CACNB4: variants seen among roughly 807,000 people sequenced by gnomAD.
CACNB4 encodes the protein voltage-dependent L-type calcium channel subunit beta-4.
In CACNB4, 32 loss-of-function variants were observed where a neutral mutation model predicts 71.2. The observed-to-expected ratio is 0.45, with a 90% CI of 0.34 to 0.60. The LOEUF is 0.60. Ranked by LOEUF, CACNB4 falls within the 20% of genes least tolerant of loss-of-function variation. The pLI, the probability that CACNB4 is intolerant of heterozygous loss-of-function variation, is 0.01. For synonymous variants in CACNB4, 231 were observed against 236.9 expected, an observed-to-expected ratio of 0.97 and a Z score of 0.23; for missense variants, 464 against 647.9, an observed-to-expected ratio of 0.72 and a Z score of 3.08.
intron 2 of CACNB4, among the ~76,000 whole-genome samples, chr2:152,058,016 G>C (rs1186817159): frequency 6.6e-6 from 1 of 152,138 alleles, no homozygotes; most frequent in Non-Finnish European, 1.5e-5. Context: ...ATGATAATAA[G>C]TGAGTTCTCA....
At chr2:152,055,984 C>T (rs951418983) in intron 2 of CACNB4, among the ~76,000 whole-genome samples, 1 of 152,118 alleles carries the variant, frequency 6.6e-6, no homozygotes, top group Admixed American at 6.6e-5. Context: ...CCTGTGACTA[C>T]CCACCACACT....
In CACNB4 at chr2:152,032,169, T is replaced by A. The variant is rs1432759381; in HGVS notation, c.147+66161A>T. On this transcript the variant is annotated intron_variant, in intron 2 of 13. Coordinates refer to ENST00000539935, the MANE Select transcript of CACNB4 (RefSeq NM_000726.5). ...CCTTCTGTTAAAACTGCCCCACAGA[T>A]GGCTTCAAAATATAGAACCAGAGAC... 3.3e-5 allele frequency among the ~76,000 whole-genome samples: 5 copies of A among 152,284 alleles called. No individual in the cohort carries two copies. In the South Asian group the frequency reaches 1.0e-3, roughly 32 times the overall value.
At chr2:151,851,483 TG>T (rs1433118033) in intron 12 of CACNB4, 1 of 152,248 alleles carries the variant, frequency 6.6e-6, no homozygotes, top group Non-Finnish European at 1.5e-5. Context: ...TGGAGCTGTT[TG>T]AAATCTCTGA....
rs745338662 is a variant in CACNB4, at chr2:151,869,250, G to GA, written c.700-16dup. 2.8e-5 allele frequency: 42 copies of GA among 1,516,704 alleles called. No individual in the cohort carries two copies. Among genetic ancestry groups the GA allele is most frequent in the African/African-American group, 2.2e-4 (16 of 72,632 alleles). 94.0% of individuals were successfully genotyped at this position (1,516,704 alleles called of 1,614,324 possible). A position where few individuals can be genotyped will look rare whatever the true frequency, so the allele number is the denominator to read the frequency against. ...ATGTCTGTTACCTTTGCAGAGGTGA[G>GA]AAAAAAAGAATGAGGCAAACACATG... is the stretch of plus-strand genomic sequence containing the variant. On this transcript the variant is annotated splice_polypyrimidine_tract_variant and intron_variant, in intron 8 of 13. Transcript: ENST00000539935.
intron 4 of CACNB4, among the ~76,000 whole-genome samples, chr2:151,877,301 A>G (rs2099846686): frequency 6.6e-6 from 1 of 152,184 alleles, no homozygotes. Flanking sequence ...AAACATCAAC[A>G]AGTGAGCATG....
In CACNB4 at chr2:151,835,615, A is replaced by T. The variant is rs148044095; in HGVS notation, c.*3504T>A. On this transcript the variant is annotated 3_prime_UTR_variant, in exon 14 of 14. Coordinates refer to ENST00000539935, the MANE Select transcript of CACNB4 (RefSeq NM_000726.5). ...TTGCCAAGACACATTCTTAACGGAC[A>T]TCCTGGGTCTTAACAACATTTTGTG... is the stretch of plus-strand genomic sequence containing the variant. 8 of 152,042 alleles carry T rather than the reference A, an allele frequency of 5.3e-5. No individual in the cohort carries two copies. The highest frequency in any genetic ancestry group is 2.1e-4 in the South Asian group (1 of 4,828). 9.4% of individuals were successfully genotyped at this position (152,042 alleles called of 1,614,324 possible). A position where few individuals can be genotyped will look rare whatever the true frequency, so the allele number is the denominator to read the frequency against.
intron 2 of CACNB4, among the ~76,000 whole-genome samples, chr2:151,999,244 C>G (rs1420737396): frequency 6.6e-6 from 1 of 152,146 alleles, no homozygotes; most frequent in African/African-American, 2.4e-5. Flanking sequence ...CAGTTCATGT[C>G]CGCCCCCTCT....
intron 2 of CACNB4, among the ~76,000 whole-genome samples, chr2:152,019,988 G>C (rs1178877652): frequency 1.3e-5 from 2 of 152,200 alleles, no homozygotes; most frequent in Non-Finnish European, 2.9e-5. Context: ...AGAAGGCCCA[G>C]AAGCAGATGA....
At chr2:152,027,662 A>G (rs1359814368) in intron 2 of CACNB4, among the ~76,000 whole-genome samples, 1 of 151,920 alleles carries the variant, frequency 6.6e-6, no homozygotes, top group Admixed American at 6.6e-5. Context: ...GACCAGCCTG[A>G]CCCACACGGT....
chr2:151,847,800 C>T (rs913797418), intron 12 of CACNB4, among the ~76,000 whole-genome samples: 3 of 152,068 alleles, frequency 2.0e-5, no homozygotes, highest in Non-Finnish European at 4.4e-5. Context: ...GCAGGAGAAT[C>T]GCTTGAACCC....
At chr2:152,010,262 A>T (rs929321185) in intron 2 of CACNB4, among the ~76,000 whole-genome samples, 17 of 152,224 alleles carry the variant, frequency 1.1e-4, no homozygotes, top group African/African-American at 4.1e-4. Flanking sequence ...TAGTCATAAT[A>T]AAGTTTTACA....
At chr2:151,946,663 G>C (rs1478337308) in intron 2 of CACNB4, among the ~76,000 whole-genome samples, 1 of 152,170 alleles carries the variant, frequency 6.6e-6, no homozygotes, top group Non-Finnish European at 1.5e-5. Context: ...TTCAGGGTGT[G>C]TCCTGAGCAC....
intron 2 of CACNB4, among the ~76,000 whole-genome samples, chr2:151,889,871 T>A (rs1578659540): frequency 6.6e-6 from 1 of 152,294 alleles, no homozygotes; most frequent in East Asian, 1.9e-4. Flanking sequence ...GACCTCGAGT[T>A]TGTTCAAAGA....
chr2:151,838,965 T>TAAAAAAA lies in CACNB4; in HGVS notation c.*153_*154insTTTTTTT, dbSNP rs1170183952. 3 of 586,340 alleles carry TAAAAAAA rather than the reference T, an allele frequency of 5.1e-6. No individual in the cohort carries two copies. The highest frequency in any genetic ancestry group is 8.9e-6 in the Non-Finnish European group (3 of 335,838). 36.3% of individuals were successfully genotyped at this position (586,340 alleles called of 1,614,324 possible). ...TCCATCTAGACTCAAGGGCATAATGTAATTTTTTTTTTTGCCCCTTACTTA... is the reference window on the plus strand; with the variant it reads ...TCCATCTAGACTCAAGGGCATAATGTAAAAAAAAATTTTTTTTTTTGCCCCTTACTTA... On this transcript the variant is annotated 3_prime_UTR_variant, in exon 14 of 14. Transcript: ENST00000539935.
chr2:152,099,042 T>C lies in CACNB4; in HGVS notation c.-31A>G. 1 of 1,490,008 alleles carries C rather than the reference T, an allele frequency of 6.7e-7. No homozygotes were observed. Among genetic ancestry groups the C allele is most frequent in the Non-Finnish European group, 8.9e-7 (1 of 1,117,704 alleles). 92.3% of individuals were successfully genotyped at this position (1,490,008 alleles called of 1,614,324 possible). ...AGAGCCGCCGCATGGCCAGCCCGTG[T>C]GCGGTGGGCGGAGGGGGCTGGCCCC... is the stretch of plus-strand genomic sequence containing the variant. On this transcript the variant is annotated 5_prime_UTR_variant, in exon 1 of 14. Coordinates refer to ENST00000539935, the MANE Select transcript of CACNB4 (RefSeq NM_000726.5).
chr2:152,076,631 A>C (rs1007133220), intron 2 of CACNB4, among the ~76,000 whole-genome samples: 2 of 152,120 alleles, frequency 1.3e-5, no homozygotes, highest in Non-Finnish European at 2.9e-5. Flanking sequence ...ACACGTATTA[A>C]AAGATATCTT....
chr2:151,839,262 A>G lies in CACNB4; in HGVS notation c.1420T>C (p.Leu474=). The part of the protein sequence containing the change: ...NERARKSRNR[L]SSSSQHSRDH... ...CGGCTATGCTGAGAACTGGAAGACAAGCGGTTCCTACTCTTCCGAGCCCTT... is the reference window on the plus strand; with the variant it reads ...CGGCTATGCTGAGAACTGGAAGACAGGCGGTTCCTACTCTTCCGAGCCCTT... Residue 474 remains leucine (L), a synonymous_variant, in exon 14 of 14, where the codon TTG becomes CTG. Transcript: ENST00000539935. 6.2e-7 allele frequency: 1 copy of G among 1,613,856 alleles called. No individual in the cohort carries two copies. The highest frequency in any genetic ancestry group is 8.5e-7 in the Non-Finnish European group (1 of 1,179,788).
intron 2 of CACNB4, among the ~76,000 whole-genome samples, chr2:152,008,375 C>T (rs897605025): frequency 6.6e-5 from 10 of 152,172 alleles, no homozygotes; most frequent in Non-Finnish European, 8.8e-5. Flanking sequence ...CAACCTCCGC[C>T]TCCCGGGTTC....
intron 2 of CACNB4, among the ~76,000 whole-genome samples, chr2:151,901,585 C>CA (rs376258449): frequency 3.3e-5 from 5 of 151,552 alleles, no homozygotes; most frequent in Non-Finnish European, 5.9e-5. Flanking sequence ...AACAAACAAA[C>CA]AAAAAAAACC....
Sources: gnomAD v4.1 joint callset for allele counts (sites outside exome capture counted in the v4.1 genomes callset) on GRCh38, gnomAD v4.1.1 for gene constraint, MANE v1.5 for transcripts, NCBI Gene and HGNC (gene_info 2026-07-23, HGNC 2026-07-21) for gene names.